BRINP3: variants seen among roughly 807,000 people sequenced by gnomAD.
BRINP3 encodes the protein BMP/retinoic acid inducible neural specific 3, also known as BMP/retinoic acid-inducible neural-specific protein 3.
Under a neutral mutation model 71.0 loss-of-function variants are expected in BRINP3, and 19 were observed. That is an observed-to-expected ratio of 0.27 (90% CI 0.19 to 0.39). The LOEUF is 0.39. Among genes scored for constraint, BRINP3 ranks in the 10% least tolerant of loss-of-function variants. The pLI, the probability that BRINP3 is intolerant of heterozygous loss-of-function variation, is 1.00. For synonymous variants in BRINP3, 380 were observed against 337.7 expected (o/e 1.13, Z -1.37); for missense variants, 959 against 940.8 (o/e 1.02, Z -0.25).
intron 5 of BRINP3, among the ~76,000 whole-genome samples, chr1:190,231,829 A>G (rs1270615151): frequency 6.6e-6 from 1 of 151,852 alleles, no homozygotes; most frequent in Non-Finnish European, 1.5e-5. Context: ...ACCAATGGTT[A>G]AATCTTAGAG....
chr1:190,152,674 G>A (rs1165685676), intron 7 of BRINP3, among the ~76,000 whole-genome samples: 1 of 151,796 alleles, frequency 6.6e-6, no homozygotes, highest in Non-Finnish European at 1.5e-5. Context: ...GAGTTCACTG[G>A]ACAAAATGTT....
chr1:190,195,354 G>A (rs546646089), intron 6 of BRINP3, among the ~76,000 whole-genome samples: 3 of 151,946 alleles, frequency 2.0e-5, no homozygotes, highest in African/African-American at 7.2e-5. Flanking sequence ...TAGTACTTTT[G>A]TACATAGTTT....
chr1:190,186,436 T>C (rs1482189981), intron 6 of BRINP3, among the ~76,000 whole-genome samples: 2 of 152,070 alleles, frequency 1.3e-5, no homozygotes, highest in South Asian at 2.1e-4. Context: ...AACACCTTTT[T>C]TTGCCTAGAT....
At chr1:190,261,546 T>C (rs1467115254) in intron 4 of BRINP3, among the ~76,000 whole-genome samples, 1 of 152,146 alleles carries the variant, frequency 6.6e-6, no homozygotes, top group East Asian at 1.9e-4. Context: ...TTAACTCCTG[T>C]GATTTGTAAG....
intron 4 of BRINP3, among the ~76,000 whole-genome samples, chr1:190,251,844 T>C (rs1461596192): frequency 2.0e-5 from 3 of 149,878 alleles, no homozygotes; most frequent in African/African-American, 7.5e-5. Context: ...TAAACCATGC[T>C]CATACATTTC....
chr1:190,474,999 A>T (rs533606835), intron 1 of BRINP3, among the ~76,000 whole-genome samples: 1 of 152,146 alleles, frequency 6.6e-6, no homozygotes, highest in South Asian at 2.1e-4. Flanking sequence ...AGCTAGACAG[A>T]TTCCAAACCC....
intron 2 of BRINP3, among the ~76,000 whole-genome samples, chr1:190,394,508 T>C (rs1432712015): frequency 4.0e-5 from 6 of 151,612 alleles, no homozygotes. Context: ...ACTATGACTA[T>C]GCTGTTTCTT....
chr1:190,123,950 G>C (rs965736803), intron 7 of BRINP3, among the ~76,000 whole-genome samples: 9 of 152,066 alleles, frequency 5.9e-5, no homozygotes, highest in African/African-American at 2.2e-4. Context: ...TAGACAAACT[G>C]TATATTATCT....
chr1:190,205,297 T>C lies in BRINP3; in HGVS notation c.961+20785A>G, dbSNP rs76522491. Among the ~76,000 whole-genome samples the C allele has an allele frequency of 1.6e-3, 249 of 151,730 alleles. 8 individuals carry two copies. The East Asian group carries it at 0.047, about 29-fold the overall frequency. ...TCTTCGCAAGCCAGTAAGCGGTTGA[T>C]ATGGTTCTCTTTTCTACCCGCCACA... On this transcript the variant is annotated intron_variant, in intron 6 of 7. Coordinates refer to ENST00000367462, the MANE Select transcript of BRINP3 (RefSeq NM_199051.3).
chr1:190,316,615 T>C (rs1665899540), intron 2 of BRINP3, among the ~76,000 whole-genome samples: 1 of 152,090 alleles, frequency 6.6e-6, no homozygotes, highest in South Asian at 2.1e-4. Flanking sequence ...AGATTTATAA[T>C]TTTCACACAT....
At chr1:190,265,114 TA>T in intron 3 of BRINP3, 59 bp from the exon 4 acceptor site, 2 of 1,440,208 alleles carry the variant, frequency 1.4e-6, no homozygotes, top group Non-Finnish European at 1.9e-6. Flanking sequence ...TTTTTTAACT[TA>T]TCTGCAGGTG....
chr1:190,129,377 G>A (rs763759195), intron 7 of BRINP3, among the ~76,000 whole-genome samples: 65 of 151,778 alleles, frequency 4.3e-4, no homozygotes, highest in Non-Finnish European at 8.4e-4. Flanking sequence ...AGAGTGCATG[G>A]AGAGACATTT....
At chr1:190,271,249 G>A (rs1012527916) in intron 3 of BRINP3, among the ~76,000 whole-genome samples, 4 of 151,604 alleles carry the variant, frequency 2.6e-5, no homozygotes, top group Non-Finnish European at 5.9e-5. Flanking sequence ...TAGTTTAGAT[G>A]TAAGTGTACC....
intron 2 of BRINP3, among the ~76,000 whole-genome samples, chr1:190,420,826 C>CA (rs1183081585): frequency 1.3e-5 from 2 of 151,796 alleles, no homozygotes; most frequent in African/African-American, 4.8e-5. Context: ...TATAGACTGC[C>CA]ATGCATAAAG....
chr1:190,318,801 A>C (rs1255278173), intron 2 of BRINP3, among the ~76,000 whole-genome samples: 2 of 152,080 alleles, frequency 1.3e-5, no homozygotes, highest in East Asian at 3.9e-4. Context: ...ATTTTGTAAA[A>C]TAAACAGCTT....
intron 2 of BRINP3, among the ~76,000 whole-genome samples, chr1:190,379,739 C>A (rs1670418207): frequency 6.6e-6 from 1 of 151,938 alleles, no homozygotes; most frequent in Non-Finnish European, 1.5e-5. Context: ...GTGGTTCATG[C>A]CTGTAATCCC....
At chr1:190,235,502 A>G (rs1658429590) in intron 4 of BRINP3, among the ~76,000 whole-genome samples, 2 of 152,004 alleles carry the variant, frequency 1.3e-5, no homozygotes, top group African/African-American at 2.4e-5. Flanking sequence ...ATGGTTTCCC[A>G]TTCTTACTTA....
At chr1:190,446,092 T>C (rs1187164289) in intron 2 of BRINP3, among the ~76,000 whole-genome samples, 2 of 152,110 alleles carry the variant, frequency 1.3e-5, no homozygotes, top group African/African-American at 4.8e-5. Flanking sequence ...CAGTGGATTA[T>C]AGTTTCTAAA....
At chr1:190,165,675 T>G (rs1255724088) in intron 6 of BRINP3, among the ~76,000 whole-genome samples, 1 of 115,854 alleles carries the variant, frequency 8.6e-6, no homozygotes, top group Non-Finnish European at 1.7e-5. Flanking sequence ...CTTTGTCTTC[T>G]GATTTTCAGT....
Sources: gnomAD v4.1 joint callset for allele counts (sites outside exome capture counted in the v4.1 genomes callset) on GRCh38, gnomAD v4.1.1 for gene constraint, MANE v1.5 for transcripts, NCBI Gene and HGNC (gene_info 2026-07-23, HGNC 2026-07-21) for gene names.